MACROD2: variants seen among roughly 807,000 people sequenced by gnomAD.
MACROD2 encodes mono-ADP ribosylhydrolase 2, also known as ADP-ribose glycohydrolase MACROD2.
Under a neutral mutation model 70.4 loss-of-function variants are expected in MACROD2, and 36 were observed. The ratio of observed to expected loss-of-function variants is 0.51; its 90% confidence interval spans 0.39 to 0.68. The LOEUF is 0.68. Among genes scored for constraint, MACROD2 ranks in the 30% least tolerant of loss-of-function variants. The pLI is 0.00. For synonymous variants in MACROD2, 172 were observed against 178.8 expected, an observed-to-expected ratio of 0.96 and a Z score of 0.30; for missense variants, 496 against 538.4, an observed-to-expected ratio of 0.92 and a Z score of 0.78.
intron 8 of MACROD2, among the ~76,000 whole-genome samples, chr20:15,623,885 G>T (rs1482389112): frequency 6.6e-6 from 1 of 152,148 alleles, no homozygotes; most frequent in Non-Finnish European, 1.5e-5. Context: ...AGATGTATTA[G>T]TCAGGGTTCT....
At chr20:15,136,243 C>T (rs1302768064) in intron 5 of MACROD2, among the ~76,000 whole-genome samples, 6 of 145,376 alleles carry the variant, frequency 4.1e-5, no homozygotes, top group South Asian at 2.3e-4. Flanking sequence ...AAAAAGAGCC[C>T]GCATTGCCAA....
intron 8 of MACROD2, among the ~76,000 whole-genome samples, chr20:15,693,891 A>G (rs983916178): frequency 2.9e-5 from 4 of 138,918 alleles, no homozygotes; most frequent in Non-Finnish European, 4.7e-5. Flanking sequence ...CCGAGTCCCC[A>G]AAGTCCACTG....
intron 3 of MACROD2, among the ~76,000 whole-genome samples, chr20:14,379,055 G>A (rs2074269225): frequency 6.6e-6 from 1 of 152,126 alleles, no homozygotes; most frequent in Non-Finnish European, 1.5e-5. Flanking sequence ...TAGCATTAGT[G>A]CTTCATATGT....
At chr20:15,020,820 A>G (rs548169522) in intron 5 of MACROD2, among the ~76,000 whole-genome samples, 4 of 152,016 alleles carry the variant, frequency 2.6e-5, no homozygotes, top group African/African-American at 9.6e-5. Context: ...ATCTTATAAG[A>G]CACCATTGTC....
intron 7 of MACROD2, among the ~76,000 whole-genome samples, chr20:15,437,671 A>G (rs1352030604): frequency 6.6e-6 from 1 of 151,864 alleles, no homozygotes; most frequent in African/African-American, 2.4e-5. Context: ...CCTCGAGTAG[A>G]CCCCAGAATC....
intron 6 of MACROD2, among the ~76,000 whole-genome samples, chr20:15,395,412 T>C (rs746946356): frequency 1.2e-4 from 18 of 152,184 alleles, no homozygotes; most frequent in Non-Finnish European, 2.1e-4. Context: ...AATTCTATAA[T>C]TATATTAATT....
chr20:14,117,278 T>G (rs1404899757), intron 3 of MACROD2, among the ~76,000 whole-genome samples: 2 of 152,194 alleles, frequency 1.3e-5, no homozygotes, highest in Non-Finnish European at 2.9e-5. Flanking sequence ...ACAGTGACTA[T>G]AGAACTTTTG....
chr20:15,048,498 A>G (rs1393724697), intron 5 of MACROD2, among the ~76,000 whole-genome samples: 28 of 151,718 alleles, frequency 1.8e-4, no homozygotes, highest in Admixed American at 1.8e-3. Context: ...CTACGTGCCT[A>G]CCTTACAGGG....
intron 5 of MACROD2, among the ~76,000 whole-genome samples, chr20:14,766,850 C>G (rs1477469746): frequency 6.6e-6 from 1 of 152,056 alleles, no homozygotes; most frequent in African/African-American, 2.4e-5. Context: ...GTCATATACT[C>G]AAAACAATTT....
At position 15,816,014 on chromosome 20, in the gene MACROD2, G is replaced by A. The variant is rs190104289; in HGVS notation, c.646-46731G>A. Reference sequence around the variant, plus strand: ...CTTTCCTTCCCCAGTCCATCTCTCCGTCTCCCTCTGCGTGTGTGTGTTTGT... The same window carrying A: ...CTTTCCTTCCCCAGTCCATCTCTCCATCTCCCTCTGCGTGTGTGTGTTTGT... On this transcript the variant is annotated intron_variant, in intron 8 of 17. Coordinates refer to ENST00000684519, the MANE Select transcript of MACROD2 (RefSeq NM_001351661.2). Among the ~76,000 whole-genome samples, 510 of 151,830 alleles carry A rather than the reference G, an allele frequency of 3.4e-3. 5 individuals are homozygous for A. Among genetic ancestry groups the A allele is most frequent in the African/African-American group, 0.012 (482 of 41,380 alleles).
intron 8 of MACROD2, among the ~76,000 whole-genome samples, chr20:15,507,439 CCTTT>C (rs1421740337): frequency 1.3e-5 from 2 of 150,310 alleles, no homozygotes; most frequent in Admixed American, 6.7e-5. Context: ...TTTCTTCCTT[CCTTT>C]CTTTTTCTTT....
chr20:14,415,833 T>C (rs931551132), intron 3 of MACROD2, among the ~76,000 whole-genome samples: 1 of 152,208 alleles, frequency 6.6e-6, no homozygotes, highest in Admixed American at 6.5e-5. Flanking sequence ...GATAGCTTAA[T>C]TACATGATTA....
rs146902319 is a variant in MACROD2 at position 14,295,552 on chromosome 20, G to A, written c.272-197927G>A. 1.6e-3 allele frequency among the ~76,000 whole-genome samples: 248 copies of A among 151,854 alleles called. 7 individuals are homozygous for A. The highest frequency in any genetic ancestry group is 5.5e-3 in the African/African-American group (226 of 41,244). ...GGATTTGCAAGACAGAATATCATTA[G>A]GAGGGGACTGTGTGGGGGGGCTGGG... On this transcript the variant is annotated intron_variant, in intron 3 of 17. Coordinates refer to ENST00000684519, the MANE Select transcript of MACROD2 (RefSeq NM_001351661.2).
At chr20:14,731,023 T>G (rs1340758712) in intron 5 of MACROD2, among the ~76,000 whole-genome samples, 2 of 144,448 alleles carry the variant, frequency 1.4e-5, no homozygotes, top group African/African-American at 5.2e-5. Context: ...ACACACACAC[T>G]CACAAACACA....
intron 5 of MACROD2, among the ~76,000 whole-genome samples, chr20:15,122,887 A>C (rs2076040747): frequency 6.6e-6 from 1 of 152,174 alleles, no homozygotes; most frequent in African/African-American, 2.4e-5. Flanking sequence ...TTGCCTCTGC[A>C]GCATGAACTA....
intron 9 of MACROD2, among the ~76,000 whole-genome samples, chr20:15,874,722 T>C (rs1187640914): frequency 6.6e-6 from 1 of 152,156 alleles, no homozygotes; most frequent in Non-Finnish European, 1.5e-5. Context: ...GCAATCTGCT[T>C]CCTGATTTAC....
chr20:15,056,233 G>A (rs1353173248), intron 5 of MACROD2, among the ~76,000 whole-genome samples: 1 of 152,168 alleles, frequency 6.6e-6, no homozygotes, highest in Non-Finnish European at 1.5e-5. Flanking sequence ...AGCTGAGGGA[G>A]CTAAGCATTT....
intron 8 of MACROD2, among the ~76,000 whole-genome samples, chr20:15,729,938 C>A (rs1165815073): frequency 6.7e-6 from 1 of 148,370 alleles, no homozygotes; most frequent in Non-Finnish European, 1.5e-5. Flanking sequence ...AAGTGATTCT[C>A]TTGACTCAGC....
chr20:15,195,614 C>T lies in MACROD2; in HGVS notation c.419-34326C>T, dbSNP rs146231293. ...TGGTAAGGTTGCAGAGAAAAAGGAA[C>T]GCTGTTACACTGTTGGTCGGAGTAT... is the stretch of plus-strand genomic sequence containing the variant. On this transcript the variant is annotated intron_variant, in intron 5 of 17. Coordinates refer to ENST00000684519, the MANE Select transcript of MACROD2 (RefSeq NM_001351661.2). Among the ~76,000 whole-genome samples, 76 of 152,224 alleles carry T rather than the reference C, an allele frequency of 5.0e-4. 2 individuals carry two copies. The East Asian group carries it at 0.01, about 20-fold the overall frequency.
Sources: gnomAD v4.1 joint callset for allele counts (sites outside exome capture counted in the v4.1 genomes callset) on GRCh38, gnomAD v4.1.1 for gene constraint, MANE v1.5 for transcripts, NCBI Gene and HGNC (gene_info 2026-07-23, HGNC 2026-07-21) for gene names.